The following NEBL variants were observed in gnomAD, a reference collection of about 807,000 sequenced individuals.
The protein encoded by NEBL is nebulette.
A neutral mutation model predicts 140.2 loss-of-function variants in NEBL; 122 were observed. That is an observed-to-expected ratio of 0.87 (90% confidence interval 0.75 to 1.01). The LOEUF (loss-of-function observed/expected upper bound fraction) is 1.01. Ranked by LOEUF, NEBL falls within the 50% of genes least tolerant of loss-of-function variation. The pLI is 0.00. For missense variants in NEBL, 1,365 were observed against 1,231.3 expected, an observed-to-expected ratio of 1.11 and a Z score of -1.62; for synonymous variants, 436 against 398.9, an observed-to-expected ratio of 1.09 and a Z score of -1.11.
At chr10:20,924,412 G>GT (rs1833764610) in intron 4 of NEBL, among the ~76,000 whole-genome samples, 2 of 20,528 alleles carry the variant, frequency 9.7e-5, no homozygotes, top group Non-Finnish European at 1.9e-4. Context: ...CAGGCATGAA[G>GT]TAAAAAAAAA....
chr10:21,276,699 T>C (rs1044696809), intron 1 of NEBL, among the ~76,000 whole-genome samples: 2 of 152,102 alleles, frequency 1.3e-5, no homozygotes, highest in African/African-American at 4.8e-5. Flanking sequence ...CCAGGAGTGA[T>C]GACTCATGTC....
intron 2 of NEBL, chr10:21,126,102 T>TC (rs770129846): frequency 6.2e-7 from 1 of 1,612,964 alleles, no homozygotes; most frequent in South Asian, 1.1e-5. Flanking sequence ...CCTTCTCGGC[T>TC]CTCCGTTCTG....
At chr10:20,789,573 T>C (rs1835741111) in intron 26 of NEBL, among the ~76,000 whole-genome samples, 1 of 152,180 alleles carries the variant, frequency 6.6e-6, no homozygotes, top group Admixed American at 6.5e-5. Context: ...GTATGCTGGG[T>C]ATGGTGGCTC....
chr10:21,026,607 T>C (rs1833508717), intron 2 of NEBL, among the ~76,000 whole-genome samples: 1 of 152,204 alleles, frequency 6.6e-6, no homozygotes, highest in Non-Finnish European at 1.5e-5. Flanking sequence ...TGGCTTTCCG[T>C]TTACCTAACC....
intron 3 of NEBL, among the ~76,000 whole-genome samples, chr10:21,019,352 A>G (rs1225853135): frequency 6.6e-6 from 1 of 152,262 alleles, no homozygotes; most frequent in Non-Finnish European, 1.5e-5. Context: ...AAGGAGGCCT[A>G]CAACCACCTA....
intron 3 of NEBL, among the ~76,000 whole-genome samples, chr10:20,988,354 C>A (rs1308700313): frequency 1.3e-5 from 2 of 152,164 alleles, no homozygotes; most frequent in African/African-American, 4.8e-5. Context: ...TGCCTTCACT[C>A]ATTTTCAATT....
At chr10:21,078,050 T>C (rs561959888) in intron 2 of NEBL, among the ~76,000 whole-genome samples, 3 of 152,250 alleles carry the variant, frequency 2.0e-5, no homozygotes, top group Non-Finnish European at 4.4e-5. Context: ...TTCTGAAAGC[T>C]GGGTTGTGTG....
intron 3 of NEBL, among the ~76,000 whole-genome samples, chr10:21,202,014 A>G (rs1841746023): frequency 6.6e-6 from 1 of 152,142 alleles, no homozygotes; most frequent in African/African-American, 2.4e-5. Flanking sequence ...GGTATTTTGC[A>G]CTGTAGTCTG....
chr10:20,868,555 C>CT, intron 7 of NEBL, 109 bp downstream of exon 7: 1 of 858,618 alleles, frequency 1.2e-6, no homozygotes, highest in East Asian at 2.4e-5. Flanking sequence ...AACATTATCT[C>CT]TGTTTATTCT....
At chr10:21,067,206 T>C (rs779579838) in intron 2 of NEBL, among the ~76,000 whole-genome samples, 39 of 152,044 alleles carry the variant, frequency 2.6e-4, no homozygotes, top group Admixed American at 6.6e-4. Flanking sequence ...CTCCTGACCT[T>C]GTGATCCGCC....
rs908024666 is a variant in NEBL at position 21,063,310 on chromosome 10, C to A, written c.165-43109G>T. Among the ~76,000 whole-genome samples, 7 of 152,148 alleles carry A rather than the reference C, an allele frequency of 4.6e-5. No individual in the cohort carries two copies. The East Asian group carries it at 1.2e-3, about 25-fold the overall frequency. On this transcript the variant is annotated intron_variant, in intron 2 of 6. Coordinates refer to the NEBL transcript ENST00000417816. ...TGCTCAGAGATCATTCCATGATCAC[C>A]ATCAAGGACATGGGCTGCATCTTCT...
rs765894739 is a variant in NEBL at position 21,186,257 on chromosome 10, A to AACACACACAC, written n.349-13790_349-13781dup. On this transcript the variant is annotated intron_variant and non_coding_transcript_variant, in intron 3 of 8. Coordinates refer to the NEBL transcript ENST00000675702. ...TTTTTAAAAAATTTTTATATATACA[A>AACACACACAC]ACACACACACACACACACACACACA... 4.6e-3 allele frequency among the ~76,000 whole-genome samples: 574 copies of AACACACACAC among 124,808 alleles called. 6 individuals are homozygous for AACACACACAC. Among genetic ancestry groups the AACACACACAC allele is most frequent in the African/African-American group, 0.014 (505 of 35,518 alleles). 81.9% of individuals were successfully genotyped at this position (124,808 alleles called of 152,430 possible). A position where few individuals can be genotyped will look rare whatever the true frequency, so the allele number is the denominator to read the frequency against.
chr10:21,250,409 C>A (rs546055244), intron 2 of NEBL, among the ~76,000 whole-genome samples: 1 of 152,290 alleles, frequency 6.6e-6, no homozygotes, highest in South Asian at 2.1e-4. Flanking sequence ...CTTGGACTGG[C>A]TTCCTTTCTC....
intron 1 of NEBL, 37 bp from the exon 2 acceptor site, chr10:20,897,066 T>C: frequency 1.2e-6 from 2 of 1,605,358 alleles, no homozygotes; most frequent in Non-Finnish European, 1.7e-6. Context: ...AAAGAACATT[T>C]TTCTCATTGT....
intron 4 of NEBL, among the ~76,000 whole-genome samples, chr10:20,960,763 T>C (rs1836014407): frequency 6.6e-6 from 1 of 151,946 alleles, no homozygotes; most frequent in Non-Finnish European, 1.5e-5. Flanking sequence ...GATGACCAAA[T>C]ATCAGTGAGT....
chr10:20,797,576 G>A (rs1304008694), intron 26 of NEBL, among the ~76,000 whole-genome samples: 2 of 152,132 alleles, frequency 1.3e-5, no homozygotes, highest in Non-Finnish European at 2.9e-5. Flanking sequence ...ACAGAAATAC[G>A]AGAAAGTAAA....
intron 2 of NEBL, among the ~76,000 whole-genome samples, chr10:21,047,070 T>C (rs945274829): frequency 9.8e-5 from 15 of 152,340 alleles, no homozygotes; most frequent in African/African-American, 3.4e-4. Flanking sequence ...GTGATGAATG[T>C]TACTGCCATG....
In NEBL at chr10:21,157,969, G is replaced by A. The variant is rs557736213; in HGVS notation, c.164+14414C>T. Among the ~76,000 whole-genome samples the A allele has an allele frequency of 1.5e-3, 226 of 152,246 alleles. 1 individual carries two copies. The highest frequency in any genetic ancestry group is 3.4e-3 in the Middle Eastern group (1 of 294). ...CTATTCAACATAAGCCAAGGACAGGGGCCTGAAACAGAGTCTTCCCTCACA... is the reference window on the plus strand; with the variant it reads ...CTATTCAACATAAGCCAAGGACAGGAGCCTGAAACAGAGTCTTCCCTCACA... On this transcript the variant is annotated intron_variant, in intron 2 of 6. Transcript: ENST00000417816.
intron 4 of NEBL, among the ~76,000 whole-genome samples, chr10:20,923,433 C>T (rs776099697): frequency 2.0e-5 from 3 of 151,786 alleles, no homozygotes; most frequent in Non-Finnish European, 4.4e-5. Context: ...AATCCCAGCA[C>T]TTTGGGAGGC....
Sources: gnomAD v4.1 joint callset for allele counts (sites outside exome capture counted in the v4.1 genomes callset) on GRCh38, gnomAD v4.1.1 for gene constraint, MANE v1.5 for transcripts, NCBI Gene and HGNC (gene_info 2026-07-23, HGNC 2026-07-21) for gene names.